NFATC1: variants seen among roughly 807,000 people sequenced by gnomAD.
NFATC1 encodes the protein nuclear factor of activated T-cells, cytoplasmic 1.
Under a neutral mutation model 76.0 loss-of-function variants are expected in NFATC1, and 22 were observed. That is an observed-to-expected ratio of 0.29 (90% CI 0.21 to 0.41). The LOEUF (loss-of-function observed/expected upper bound fraction) is 0.41. NFATC1 is among the 10% of genes least tolerant of loss of function. The probability of loss-of-function intolerance (pLI) is 1.00; values close to 1 mark genes in which losing one functional copy is unlikely to be tolerated. For missense variants in NFATC1, 1,357 were observed against 1,337.7 expected (o/e 1.01, Z -0.23); for synonymous variants, 704 against 613.1 (o/e 1.15, Z -2.19).
chr18:79,506,419 G>A (rs995731351), intron 9 of NFATC1, among the ~76,000 whole-genome samples: 9 of 152,218 alleles, frequency 5.9e-5, no homozygotes, highest in African/African-American at 1.7e-4. Context: ...GTGCTGGCCC[G>A]GCACCTGCTC....
chr18:79,454,212 C>T (rs557532802), intron 6 of NFATC1, among the ~76,000 whole-genome samples: 2 of 152,262 alleles, frequency 1.3e-5, no homozygotes, highest in African/African-American at 4.8e-5. Flanking sequence ...CTGCTCATTC[C>T]GAGGGTGCAG....
intron 8 of NFATC1, among the ~76,000 whole-genome samples, chr18:79,472,837 A>G (rs1344458267): frequency 5.3e-5 from 8 of 152,208 alleles, no homozygotes; most frequent in Admixed American, 4.6e-4. Context: ...TCTGGGTTTC[A>G]GCCTTAAGAG....
intron 9 of NFATC1, among the ~76,000 whole-genome samples, chr18:79,521,361 TG>T (rs2090558544): frequency 3.9e-5 from 4 of 102,608 alleles, no homozygotes; most frequent in African/African-American, 1.6e-4. Context: ...CATCCACTGA[TG>T]TGTGTGTGTG....
chr18:79,405,072 G>A (rs760057730), intron 1 of NFATC1, among the ~76,000 whole-genome samples: 1 of 152,150 alleles, frequency 6.6e-6, no homozygotes, highest in African/African-American at 2.4e-5. Flanking sequence ...CTGAGAGCCG[G>A]GTGCTCCCCG....
Position 79,410,183 on chromosome 18 carries a change from T to C in NFATC1, c.128-220T>C, listed in dbSNP as rs1191616140. 2 of 782,164 alleles carry C rather than the reference T, an allele frequency of 2.6e-6. No individual in the cohort carries two copies. Among genetic ancestry groups the C allele is most frequent in the Non-Finnish European group, 4.5e-6 (2 of 444,406 alleles). 48.5% of individuals were successfully genotyped at this position (782,164 alleles called of 1,614,324 possible). A position where few individuals can be genotyped will look rare whatever the true frequency, so the allele number is the denominator to read the frequency against. On this transcript the variant is annotated intron_variant, in intron 1 of 9. Coordinates refer to ENST00000427363, the MANE Select transcript of NFATC1 (RefSeq NM_001278669.2). The surrounding 1 kb of genome is among the most constrained non-coding windows in gnomAD (Gnocchi z 6.7). ...TTAGGGGAGGAGGGGAGGTGGGCAGTGAGGGGCTCACGGGAGCCTTGTTGG... is the reference window on the plus strand; with the variant it reads ...TTAGGGGAGGAGGGGAGGTGGGCAGCGAGGGGCTCACGGGAGCCTTGTTGG...
intron 2 of NFATC1, among the ~76,000 whole-genome samples, chr18:79,416,145 T>G (rs2085868750): frequency 6.6e-6 from 1 of 152,288 alleles, no homozygotes; most frequent in Non-Finnish European, 1.5e-5. Flanking sequence ...CGGTCACTTT[T>G]CTGCTATGCA....
intron 8 of NFATC1, among the ~76,000 whole-genome samples, chr18:79,483,031 G>A (rs1416511818): frequency 7.3e-6 from 1 of 136,198 alleles, no homozygotes; most frequent in Non-Finnish European, 1.6e-5. Context: ...CCTGGTTCCT[G>A]GGTAATTCCA....
chr18:79,459,220 G>A (rs2087918839), intron 6 of NFATC1, among the ~76,000 whole-genome samples: 1 of 152,264 alleles, frequency 6.6e-6, no homozygotes, highest in Non-Finnish European at 1.5e-5. Flanking sequence ...GGCAGCTGCT[G>A]AGCTGGGCCT....
At position 79,410,866 on chromosome 18, in the gene NFATC1, C is replaced by T. The variant is rs748514998; in HGVS notation, c.591C>T (p.Tyr197=). 28 of 1,609,638 alleles carry T rather than the reference C, an allele frequency of 1.7e-5. No individual in the cohort carries two copies. The highest frequency in any genetic ancestry group is 2.2e-5 in the East Asian group (1 of 44,802). ...ACGAGTCCAACTACTCGTACCCGTA[C>T]GCGTCCCCCCAGACGTCGCCATGGC... ...SSYESNYSYP[Y]ASPQTSPWQS... The change falls in exon 2 of 10, where the codon TAC becomes TAT. Residue 197 remains tyrosine (Y), a synonymous_variant. Coordinates refer to ENST00000427363, the MANE Select transcript of NFATC1 (RefSeq NM_001278669.2). The surrounding 1 kb of genome is among the most constrained non-coding windows in gnomAD (Gnocchi z 6.7).
intron 7 of NFATC1, among the ~76,000 whole-genome samples, chr18:79,463,996 C>T (rs1235816740): frequency 1.3e-5 from 2 of 152,256 alleles, no homozygotes; most frequent in African/African-American, 4.8e-5. Flanking sequence ...TTGACACTGG[C>T]ATATTTCGAG....
At chr18:79,401,221 C>G (rs957990930) in intron 1 of NFATC1, among the ~76,000 whole-genome samples, 6 of 151,222 alleles carry the variant, frequency 4.0e-5, no homozygotes, top group African/African-American at 1.5e-4. Flanking sequence ...CACCGTCCGC[C>G]CCTGTCTGTG....
chr18:79,491,105 A>C (rs886357140), intron 9 of NFATC1, among the ~76,000 whole-genome samples: 6 of 152,068 alleles, frequency 3.9e-5, no homozygotes, highest in African/African-American at 7.3e-5. Flanking sequence ...GGGAGAGGGA[A>C]GGCAGGCTAG....
Position 79,527,641 on chromosome 18 carries a change from A to G in NFATC1, c.*64A>G. The G allele has an allele frequency of 6.9e-7, 1 of 1,457,004 alleles. No homozygotes were observed. Among genetic ancestry groups the G allele is most frequent in the African/African-American group, 1.4e-5 (1 of 71,414 alleles). 90.3% of individuals were successfully genotyped at this position (1,457,004 alleles called of 1,614,324 possible). On this transcript the variant is annotated 3_prime_UTR_variant, in exon 10 of 10. Coordinates refer to ENST00000427363, the MANE Select transcript of NFATC1 (RefSeq NM_001278669.2). ...GACTTCAGCAGACAAAGACTTTTGAATAAATAAACTGAACTCACACCTGGT... is the reference window on the plus strand; with the variant it reads ...GACTTCAGCAGACAAAGACTTTTGAGTAAATAAACTGAACTCACACCTGGT...
intron 3 of NFATC1, among the ~76,000 whole-genome samples, chr18:79,447,629 A>G (rs1418080252): frequency 2.0e-5 from 3 of 152,162 alleles, no homozygotes; most frequent in Non-Finnish European, 4.4e-5. Flanking sequence ...GCAGAAGGGA[A>G]GGCACTCTGA....
At chr18:79,494,048 G>A (rs1368279368) in intron 9 of NFATC1, among the ~76,000 whole-genome samples, 1 of 152,222 alleles carries the variant, frequency 6.6e-6, no homozygotes, top group Non-Finnish European at 1.5e-5. Context: ...TGCCCGAGGT[G>A]AGGCGGCCAC....
At position 79,492,880 on chromosome 18, in the gene NFATC1, A is replaced by C. The variant is rs556606362; in HGVS notation, c.2782+5943A>C. Among the ~76,000 whole-genome samples the C allele has an allele frequency of 3.4e-5, 5 of 148,570 alleles. No individual in the cohort carries two copies. In the East Asian group the frequency reaches 9.7e-4, roughly 29 times the overall value. On this transcript the variant is annotated intron_variant, in intron 9 of 9. Transcript: ENST00000427363. Reference sequence around the variant, plus strand: ...CAAAGCGAGACTCCATCTCAAAAAAAAAAAAGAAAAATGAATCCAGCTTTT... The same window carrying C: ...CAAAGCGAGACTCCATCTCAAAAAACAAAAAGAAAAATGAATCCAGCTTTT...
chr18:79,440,600 C>G (rs1353722606), intron 3 of NFATC1, among the ~76,000 whole-genome samples: 3 of 152,198 alleles, frequency 2.0e-5, no homozygotes, highest in Non-Finnish European at 4.4e-5. Context: ...TTGGCCATGG[C>G]AGGTCCCTGC....
chr18:79,447,292 G>T (rs1257988511), intron 3 of NFATC1, among the ~76,000 whole-genome samples: 2 of 152,174 alleles, frequency 1.3e-5, no homozygotes, highest in African/African-American at 4.8e-5. Context: ...GGGCTCCCCC[G>T]CCTTCTCCCT....
intron 1 of NFATC1, among the ~76,000 whole-genome samples, chr18:79,408,368 T>C (rs1426995169): frequency 2.0e-5 from 3 of 152,214 alleles, no homozygotes; most frequent in African/African-American, 7.2e-5. Context: ...ATCATGAGGT[T>C]CCAAGATGTC....
Sources: gnomAD v4.1 joint callset for allele counts (sites outside exome capture counted in the v4.1 genomes callset) on GRCh38, gnomAD v4.1.1 for gene constraint, Gnocchi (gnomAD v3.1) non-coding constraint, MANE v1.5 for transcripts, NCBI Gene and HGNC (gene_info 2026-07-23, HGNC 2026-07-21) for gene names.